DIP2B: variants seen among roughly 807,000 people sequenced by gnomAD.
DIP2B encodes the protein DIP2 acetate--CoA ligase B (putative).
Under a neutral mutation model 198.0 loss-of-function variants are expected in DIP2B, and 76 were observed. The ratio of observed to expected loss-of-function variants is 0.38; its 90% confidence interval spans 0.32 to 0.46. The LOEUF is 0.46. Among genes scored for constraint, DIP2B ranks in the 20% least tolerant of loss-of-function variants. The probability of loss-of-function intolerance (pLI) is 0.99; values close to 1 mark genes in which losing one functional copy is unlikely to be tolerated. For missense variants in DIP2B, 1,559 were observed against 1,978.4 expected (o/e 0.79, Z 4.02); for synonymous variants, 701 against 739.1 (o/e 0.95, Z 0.84).
Position 50,747,907 on chromosome 12 carries a change from A to T in DIP2B, c.*3068A>T, listed in dbSNP as rs1040008272. On this transcript the variant is annotated 3_prime_UTR_variant, in exon 38 of 38. Coordinates refer to ENST00000301180, the MANE Select transcript of DIP2B (RefSeq NM_173602.3). ...GACCCTGGGAAGGACCAGCATGCTA[A>T]TCAGTGTCAGTGAATCCACAGTCTT... 6.6e-6 allele frequency: 1 copy of T among 152,602 alleles called. No homozygotes were observed. Among genetic ancestry groups the T allele is most frequent in the African/African-American group, 2.4e-5 (1 of 41,434 alleles). 9.5% of individuals were successfully genotyped at this position (152,602 alleles called of 1,614,324 possible).
At chr12:50,563,582 C>T (rs559269823) in intron 1 of DIP2B, among the ~76,000 whole-genome samples, 1 of 150,876 alleles carries the variant, frequency 6.6e-6, no homozygotes, top group East Asian at 2.0e-4. Flanking sequence ...CCTCCAACTC[C>T]TGGGCTTAAG....
chr12:50,678,468 A>G (rs1565868062), intron 7 of DIP2B, among the ~76,000 whole-genome samples: 1 of 152,318 alleles, frequency 6.6e-6, no homozygotes, highest in South Asian at 2.1e-4. Flanking sequence ...GGATTTGTTC[A>G]TTGCATAAAA....
rs771662375 is a variant in DIP2B at position 50,671,213 on chromosome 12, G to A, written c.455G>A (p.Gly152Asp). ...ACATCTTCGGCCTCTGAGGATGAGG[G>A]CTCTCTGAGACGCCAAGCTGCGCTC... ...PDTSSASEDE[G>D]SLRRQAALSA... is the part of the protein sequence containing the mutation. The change falls in exon 5 of 38, where the codon GGC (glycine) becomes GAC (aspartate). Residue 152 changes from glycine (G) to aspartate (D), a missense_variant. Transcript: ENST00000301180. 2 of 1,614,124 alleles carry A rather than the reference G, an allele frequency of 1.2e-6. No individual in the cohort carries two copies. The highest frequency in any genetic ancestry group is 3.3e-5 in the Admixed American group (2 of 60,020).
At chr12:50,589,140 C>T (rs1176535194) in intron 1 of DIP2B, among the ~76,000 whole-genome samples, 2 of 151,200 alleles carry the variant, frequency 1.3e-5, no homozygotes, top group African/African-American at 2.4e-5. Context: ...GCCAAGATCG[C>T]GCCACTGCAC....
intron 4 of DIP2B, among the ~76,000 whole-genome samples, chr12:50,665,588 T>C (rs77394721): frequency 6.6e-6 from 1 of 151,934 alleles, no homozygotes; most frequent in Non-Finnish European, 1.5e-5. Flanking sequence ...CTACAAATAA[T>C]TTTTTTTAAT....
chr12:50,527,488 G>T (rs979539706), intron 1 of DIP2B, among the ~76,000 whole-genome samples: 1 of 152,190 alleles, frequency 6.6e-6, no homozygotes, highest in Non-Finnish European at 1.5e-5. Flanking sequence ...GATAAAACTT[G>T]TGAAACATCT....
chr12:50,668,425 G>GT (rs1938793164), intron 4 of DIP2B, among the ~76,000 whole-genome samples: 1 of 152,146 alleles, frequency 6.6e-6, no homozygotes, highest in East Asian at 1.9e-4. Flanking sequence ...CCAAAGCCAT[G>GT]TTTTTTTCCA....
chr12:50,703,808 T>C (rs1022192757), intron 19 of DIP2B, among the ~76,000 whole-genome samples: 2 of 151,828 alleles, frequency 1.3e-5, no homozygotes, highest in Non-Finnish European at 2.9e-5. Flanking sequence ...CAACTCTTAC[T>C]AACTTGGAAG....
rs1484262067 is a variant in DIP2B at position 50,683,230 on chromosome 12, G to C, written c.1299G>C (p.Glu433Asp). The change falls in exon 10 of 38, where the codon GAG becomes GAC. Residue 433 changes from glutamate (E) to aspartate (D), a missense_variant. By Grantham distance (45) the Glu-to-Asp change is conservative. Coordinates refer to ENST00000301180, the MANE Select transcript of DIP2B (RefSeq NM_173602.3). ...LLAEVIPVPI[E>D]VPLTRKDAGG... is the part of the protein sequence containing the mutation. ...CAGAAGTGATTCCAGTGCCTATAGA[G>C]GTACCTCTTACCAGAAAGGTAACAT... 10 of 1,610,750 alleles carry C rather than the reference G, an allele frequency of 6.2e-6. No individual in the cohort carries two copies. In the Admixed American group the frequency reaches 1.5e-4, roughly 24 times the overall value.
At chr12:50,742,140 A>G (rs1413795987) in intron 37 of DIP2B, among the ~76,000 whole-genome samples, 1 of 152,024 alleles carries the variant, frequency 6.6e-6, no homozygotes, top group African/African-American at 2.4e-5. Context: ...GCTCACATCT[A>G]TAATCCCAGA....
chr12:50,531,539 G>T (rs996495130), intron 1 of DIP2B, among the ~76,000 whole-genome samples: 1 of 152,192 alleles, frequency 6.6e-6, no homozygotes, highest in Non-Finnish European at 1.5e-5. Flanking sequence ...CTGAGAAAAT[G>T]CAATTGAGAT....
At chr12:50,712,638 G>C (rs1426321392) in intron 22 of DIP2B, among the ~76,000 whole-genome samples, 2 of 150,006 alleles carry the variant, frequency 1.3e-5, no homozygotes, top group Admixed American at 6.6e-5. Flanking sequence ...GCTGGGCACG[G>C]TGGCTCACAC....
At chr12:50,636,601 C>T (rs578076111) in intron 2 of DIP2B, among the ~76,000 whole-genome samples, 24 of 152,322 alleles carry the variant, frequency 1.6e-4, no homozygotes, top group Admixed American at 4.6e-4. Context: ...AAGATCCCCA[C>T]AGTCTGCTGT....
intron 23 of DIP2B, among the ~76,000 whole-genome samples, chr12:50,717,848 A>G (rs1385154691): frequency 1.3e-5 from 2 of 151,554 alleles, no homozygotes; most frequent in Non-Finnish European, 2.9e-5. Context: ...TCGGCCTCCT[A>G]AAGTGCTGTG....
intron 2 of DIP2B, among the ~76,000 whole-genome samples, chr12:50,636,996 C>T (rs868137777): frequency 3.9e-5 from 6 of 152,238 alleles, no homozygotes; most frequent in East Asian, 1.9e-4. Context: ...GGTTAATCAC[C>T]GACCCTTCAA....
intron 23 of DIP2B, 123 bp downstream of exon 23, chr12:50,714,719 C>T (rs1939682015): frequency 7.8e-6 from 9 of 1,159,102 alleles, no homozygotes; most frequent in Middle Eastern, 2.6e-4. Context: ...GTGGGAGGGT[C>T]GTGTGAGCCC....
At chr12:50,656,068 A>G (rs1026442191) in intron 3 of DIP2B, among the ~76,000 whole-genome samples, 3 of 152,198 alleles carry the variant, frequency 2.0e-5, no homozygotes, top group Non-Finnish European at 4.4e-5. Flanking sequence ...GTTTCATCCT[A>G]TTAGAGAAGG....
chr12:50,693,907 C>G (rs780518506), intron 14 of DIP2B, among the ~76,000 whole-genome samples: 1 of 152,090 alleles, frequency 6.6e-6, no homozygotes, highest in Non-Finnish European at 1.5e-5. Flanking sequence ...AATCTCAATA[C>G]GAAGGCTTGG....
chr12:50,653,598 T>G (rs1010313239), intron 3 of DIP2B, among the ~76,000 whole-genome samples: 3 of 151,992 alleles, frequency 2.0e-5, no homozygotes, highest in African/African-American at 7.2e-5. Context: ...CACCTTGGCC[T>G]CCCAAAGTGC....
Sources: allele counts gnomAD v4.1 joint callset (sites outside exome capture counted in the v4.1 genomes callset), GRCh38; gene constraint gnomAD v4.1.1; transcripts MANE v1.5; gene names NCBI Gene and HGNC (gene_info 2026-07-23, HGNC 2026-07-21).